B3GALT1: variants seen among roughly 807,000 people sequenced by gnomAD.
B3GALT1 encodes the protein UDP-Gal:betaGlcNAc beta 1,3-galactosyltransferase, polypeptide 1.
In B3GALT1, 10 loss-of-function variants were observed where a neutral mutation model predicts 23.2. The observed-to-expected ratio is 0.43, with a 90% CI of 0.27 to 0.73. B3GALT1 has a LOEUF of 0.73. B3GALT1 is among the 30% of genes least tolerant of loss of function. The probability of loss-of-function intolerance (pLI) is 0.21; values close to 1 mark genes in which losing one functional copy is unlikely to be tolerated. For missense variants in B3GALT1, 299 were observed against 405.4 expected (o/e 0.74, Z 2.25); for synonymous variants, 156 against 141.5 (o/e 1.10, Z -0.73).
chr2:167,483,805 T>A (rs1039235604), intron 1 of B3GALT1, among the ~76,000 whole-genome samples: 2 of 152,232 alleles, frequency 1.3e-5, no homozygotes, highest in Non-Finnish European at 2.9e-5. Flanking sequence ...AATGCCTGCT[T>A]TTCCAATGAA....
intron 2 of B3GALT1, among the ~76,000 whole-genome samples, chr2:167,517,814 T>A (rs577522996): frequency 6.6e-6 from 1 of 152,120 alleles, no homozygotes; most frequent in Non-Finnish European, 1.5e-5. Flanking sequence ...TGGAGTTGTA[T>A]GAGCAACACA....
chr2:167,755,218 G>A lies in B3GALT1; in HGVS notation c.-351-63454G>A, dbSNP rs1015412672. Among the ~76,000 whole-genome samples, 3 of 152,094 alleles carry A rather than the reference G, an allele frequency of 2.0e-5. No individual in the cohort carries two copies. The East Asian group carries it at 5.8e-4, about 29-fold the overall frequency. On this transcript the variant is annotated intron_variant, in intron 3 of 4. Coordinates refer to ENST00000392690, the MANE Select transcript of B3GALT1 (RefSeq NM_020981.4). Reference sequence around the variant, plus strand: ...CTTTTTAATCCATAACATAGCTAAAGTAGGATACGGATTAAAATACCCAGA... The same window carrying A: ...CTTTTTAATCCATAACATAGCTAAAATAGGATACGGATTAAAATACCCAGA...
intron 1 of B3GALT1, among the ~76,000 whole-genome samples, chr2:167,369,442 G>C (rs556535978): frequency 2.6e-5 from 4 of 152,228 alleles, no homozygotes; most frequent in South Asian, 2.1e-4. Context: ...TTCAGGAAAG[G>C]GTTATAGTAT....
intron 2 of B3GALT1, among the ~76,000 whole-genome samples, chr2:167,512,642 A>G (rs1249042815): frequency 1.6e-5 from 2 of 121,978 alleles, no homozygotes; most frequent in African/African-American, 3.2e-5. Flanking sequence ...ATATACATAT[A>G]TATATATATT....
rs1383794721 is a variant in B3GALT1, at chr2:167,664,537, G to A, written c.-352+17571G>A. Reference sequence around the variant, plus strand: ...GCTTGATGGGGATGGCATTGAATCTGTGAATTACCTTGGGCAGTATGACCA... The same window carrying A: ...GCTTGATGGGGATGGCATTGAATCTATGAATTACCTTGGGCAGTATGACCA... On this transcript the variant is annotated intron_variant, in intron 3 of 4. Coordinates refer to ENST00000392690, the MANE Select transcript of B3GALT1 (RefSeq NM_020981.4). Among the ~76,000 whole-genome samples, 18 of 151,800 alleles carry A rather than the reference G, an allele frequency of 1.2e-4. No homozygotes were observed. In the South Asian group the frequency reaches 3.3e-3, roughly 28 times the overall value.
rs1005494281 is a variant in B3GALT1, at chr2:167,737,677, A to G, written c.-351-80995A>G. Among the ~76,000 whole-genome samples the G allele has an allele frequency of 4.6e-5, 7 of 152,308 alleles. No individual in the cohort carries two copies. In the East Asian group the frequency reaches 9.6e-4, roughly 21 times the overall value. ...TGAAGGAGGTGAAATGAGCCTGTCAATGGAGGGAACTGTAAGAGACCATCT... is the reference window on the plus strand; with the variant it reads ...TGAAGGAGGTGAAATGAGCCTGTCAGTGGAGGGAACTGTAAGAGACCATCT... On this transcript the variant is annotated intron_variant, in intron 3 of 4. Transcript: ENST00000392690.
chr2:167,473,120 G>C (rs1194924785), intron 1 of B3GALT1, among the ~76,000 whole-genome samples: 2 of 152,116 alleles, frequency 1.3e-5, no homozygotes, highest in Non-Finnish European at 2.9e-5. Context: ...TGATTCCCAA[G>C]TTCAAATCTT....
At chr2:167,510,316 T>C (rs544929456) in intron 2 of B3GALT1, among the ~76,000 whole-genome samples, 76 of 152,234 alleles carry the variant, frequency 5.0e-4, no homozygotes, top group African/African-American at 1.8e-3. Flanking sequence ...ATTTCAGTTA[T>C]GAAGCATCTT....
intron 2 of B3GALT1, among the ~76,000 whole-genome samples, chr2:167,561,730 C>A (rs951944446): frequency 6.6e-6 from 1 of 152,178 alleles, no homozygotes; most frequent in Non-Finnish European, 1.5e-5. Flanking sequence ...TTCCTTGACA[C>A]ATACACTCTC....
chr2:167,657,736 C>G (rs138491138), intron 3 of B3GALT1, among the ~76,000 whole-genome samples: 3 of 151,742 alleles, frequency 2.0e-5, no homozygotes, highest in Non-Finnish European at 2.9e-5. Context: ...TTTTTTGAAC[C>G]CTTCCTAAAC....
chr2:167,864,243 A>G (rs1466151033), intron 4 of B3GALT1, among the ~76,000 whole-genome samples: 1 of 152,160 alleles, frequency 6.6e-6, no homozygotes, highest in Non-Finnish European at 1.5e-5. Context: ...CAAGCAATGG[A>G]ACCACATCTA....
At chr2:167,418,365 T>C (rs1185552479) in intron 1 of B3GALT1, among the ~76,000 whole-genome samples, 2 of 151,724 alleles carry the variant, frequency 1.3e-5, no homozygotes, top group Non-Finnish European at 2.9e-5. Context: ...CTTAGTGTCT[T>C]AGGGGAAGCA....
Position 167,869,989 on chromosome 2 carries a change from A to G in B3GALT1, c.950A>G (p.Asp317Gly). 2 of 1,606,274 alleles carry G rather than the reference A, an allele frequency of 1.2e-6. No individual in the cohort carries two copies. Among genetic ancestry groups the G allele is most frequent in the African/African-American group, 1.3e-5 (1 of 74,886 alleles). ...SPEEMHRIWNDMSSKKHLRC is the reference protein window; with the variant it reads ...SPEEMHRIWNGMSSKKHLRC ...GAAGAAATGCACAGAATCTGGAATGACATGTCAAGCAAGAAACATCTCAGA... is the reference window on the plus strand; with the variant it reads ...GAAGAAATGCACAGAATCTGGAATGGCATGTCAAGCAAGAAACATCTCAGA... The change falls in exon 5 of 5, where the codon GAC (aspartate) becomes GGC (glycine). Residue 317 changes from aspartate (D) to glycine (G), a missense_variant. Asp to Gly is a moderately conservative substitution (Grantham distance 94). Around this residue, in one of 3 missense-constraint regions of B3GALT1, gnomAD observed 133 missense variants for 204.8 expected, o/e 0.65. Transcript: ENST00000392690. This position sits in a 1 kb window ranked among gnomAD's most constrained non-coding sequence, Gnocchi z 6.4.
intron 2 of B3GALT1, among the ~76,000 whole-genome samples, chr2:167,559,510 G>T (rs1480611697): frequency 6.6e-6 from 1 of 152,154 alleles, no homozygotes; most frequent in Non-Finnish European, 1.5e-5. Context: ...ACTACTCCAA[G>T]CTACAGGAGG....
intron 1 of B3GALT1, among the ~76,000 whole-genome samples, chr2:167,463,750 G>C (rs920551462): frequency 3.9e-5 from 6 of 152,146 alleles, no homozygotes; most frequent in Non-Finnish European, 5.9e-5. Flanking sequence ...AATGCAAAGT[G>C]TAAGACCAAA....
In B3GALT1 at chr2:167,501,480, T is replaced by A. The variant is rs184732703; in HGVS notation, c.-410+11203T>A. Among the ~76,000 whole-genome samples the A allele has an allele frequency of 4.0e-3, 611 of 151,934 alleles. 23 individuals are homozygous for A. The East Asian group carries it at 0.092, about 23-fold the overall frequency. On this transcript the variant is annotated intron_variant, in intron 2 of 4. Coordinates refer to ENST00000392690, the MANE Select transcript of B3GALT1 (RefSeq NM_020981.4). ...CACTTAAGCTTTTAAATATGCTTTT[T>A]AAAAAAATTTCTGATTTTTGTTTAA...
intron 2 of B3GALT1, among the ~76,000 whole-genome samples, chr2:167,615,095 A>G (rs1343056535): frequency 2.0e-5 from 3 of 152,134 alleles, no homozygotes; most frequent in African/African-American, 7.2e-5. Context: ...CCACATGAAA[A>G]TATAAAACTT....
intron 3 of B3GALT1, among the ~76,000 whole-genome samples, chr2:167,738,780 G>A (rs1486994233): frequency 7.0e-6 from 1 of 143,494 alleles, no homozygotes; most frequent in Non-Finnish European, 1.6e-5. Flanking sequence ...CCCTTCTGAT[G>A]TTCATGTTCT....
At chr2:167,629,911 C>T (rs1371402590) in intron 2 of B3GALT1, among the ~76,000 whole-genome samples, 3 of 151,796 alleles carry the variant, frequency 2.0e-5, no homozygotes, top group Non-Finnish European at 4.4e-5. Flanking sequence ...TAAATAATTA[C>T]ATGACTAACC....
Sources: allele counts gnomAD v4.1 joint callset (sites outside exome capture counted in the v4.1 genomes callset), GRCh38; gene constraint gnomAD v4.1.1; regional missense constraint gnomAD v4.1.1; non-coding constraint Gnocchi (gnomAD v3.1); transcripts MANE v1.5; gene names NCBI Gene and HGNC (gene_info 2026-07-23, HGNC 2026-07-21).